Variants in NAALADL2 observed in about 807,000 individuals in gnomAD.
NAALADL2 encodes the protein inactive N-acetylated-alpha-linked acidic dipeptidase-like protein 2.
Under a neutral mutation model 87.2 loss-of-function variants are expected in NAALADL2, and 76 were observed. The ratio of observed to expected loss-of-function variants is 0.87; its 90% CI spans 0.72 to 1.05. The LOEUF (loss-of-function observed/expected upper bound fraction) is 1.05. NAALADL2 is among the 50% of genes least tolerant of loss of function. The probability of loss-of-function intolerance (pLI) is 0.00; values close to 1 mark genes in which losing one functional copy is unlikely to be tolerated. For missense variants in NAALADL2, 1,089 were observed against 945.8 expected (o/e 1.15, Z -1.99); for synonymous variants, 354 against 331.0 (o/e 1.07, Z -0.75).
intron 3 of NAALADL2, 34 bp downstream of exon 3, chr3:175,234,238 G>T: frequency 1.3e-6 from 2 of 1,589,792 alleles, no homozygotes; most frequent in South Asian, 2.3e-5. Context: ...CATTTACAGT[G>T]AGATGGAATT....
At chr3:174,892,309 T>G (rs1730951817) in intron 1 of NAALADL2, among the ~76,000 whole-genome samples, 1 of 152,110 alleles carries the variant, frequency 6.6e-6, no homozygotes, top group Non-Finnish European at 1.5e-5. Context: ...TTGAGGAAAG[T>G]TGAAGACATT....
chr3:174,515,440 GC>G (rs1013150875), intron 1 of NAALADL2, among the ~76,000 whole-genome samples: 1 of 151,996 alleles, frequency 6.6e-6, no homozygotes, highest in African/African-American at 2.4e-5. Flanking sequence ...ATGGAGTTGG[GC>G]AAATGGTAAC....
At chr3:175,561,061 C>A (rs184665528) in intron 9 of NAALADL2, among the ~76,000 whole-genome samples, 48 of 152,212 alleles carry the variant, frequency 3.2e-4, no homozygotes, top group African/African-American at 1.1e-3. Flanking sequence ...GGAAAACTGT[C>A]TAAGGCCTGC....
intron 13 of NAALADL2, among the ~76,000 whole-genome samples, chr3:175,794,946 G>T (rs73881379): frequency 2.0e-5 from 3 of 152,104 alleles, no homozygotes; most frequent in Admixed American, 2.0e-4. Context: ...GTTCTGGAGC[G>T]GGTACTCTGG....
intron 3 of NAALADL2, among the ~76,000 whole-genome samples, chr3:174,819,058 CTTTTTTTTTTTTTT>C (rs3040106): frequency 4.2e-5 from 2 of 47,536 alleles, no homozygotes; most frequent in South Asian, 8.1e-4. Context: ...ACCATTTATT[CTTTTTTTTTTTTTT>C]TTTTTTTTTT....
chr3:175,213,008 G>A (rs1442639335), intron 2 of NAALADL2, among the ~76,000 whole-genome samples: 3 of 152,068 alleles, frequency 2.0e-5, no homozygotes, highest in Non-Finnish European at 4.4e-5. Flanking sequence ...CACAGGACTG[G>A]CTGAAATCAG....
chr3:174,779,987 G>A (rs957182242), intron 3 of NAALADL2, among the ~76,000 whole-genome samples: 1 of 152,066 alleles, frequency 6.6e-6, no homozygotes, highest in African/African-American at 2.4e-5. Flanking sequence ...ATTTAAAGTA[G>A]TTTTTTCTAA....
At chr3:175,358,083 G>A (rs960478643) in intron 5 of NAALADL2, among the ~76,000 whole-genome samples, 5 of 152,172 alleles carry the variant, frequency 3.3e-5, no homozygotes, top group African/African-American at 7.2e-5. Context: ...CCATAAAATC[G>A]CAAGTGACAT....
chr3:174,901,864 T>C (rs1732350624), intron 1 of NAALADL2, among the ~76,000 whole-genome samples: 1 of 152,210 alleles, frequency 6.6e-6, no homozygotes, highest in African/African-American at 2.4e-5. Context: ...ATGGGCTTTA[T>C]GTTGTGATTT....
At chr3:174,855,980 GTATATATA>G (rs57039020), upstream of NAALADL2, among the ~76,000 whole-genome samples, 258 of 142,892 alleles carry the variant, frequency 1.8e-3, 3 homozygotes, top group African/African-American at 5.7e-3. Context: ...GTGTGTGTGT[GTATATATA>G]TATATATATA....
At chr3:175,520,255 G>T (rs1234937267) in intron 9 of NAALADL2, among the ~76,000 whole-genome samples, 2 of 151,040 alleles carry the variant, frequency 1.3e-5, no homozygotes, top group African/African-American at 4.9e-5. Context: ...CACCTGTGGA[G>T]CATTTGCATA....
chr3:174,756,021 C>T (rs181680244), intron 3 of NAALADL2, among the ~76,000 whole-genome samples: 11 of 152,268 alleles, frequency 7.2e-5, no homozygotes, highest in African/African-American at 1.9e-4. Flanking sequence ...AATTCATGAA[C>T]GGTCTGGGAG....
Position 174,602,269 on chromosome 3 carries a change from C to T in NAALADL2, c.-115+51632C>T, listed in dbSNP as rs143898537. 3.5e-3 allele frequency among the ~76,000 whole-genome samples: 532 copies of T among 152,110 alleles called. 3 individuals are homozygous for T. The highest frequency in any genetic ancestry group is 0.011 in the African/African-American group (471 of 41,520). On this transcript the variant is annotated intron_variant, in intron 2 of 3. Transcript: ENST00000434257. ...CAATCCATGAACATGGAATATCTTC[C>T]GGTGTTTTTGTGTCCTCTTCAATTT...
At chr3:174,496,245 C>T (rs1390460473) in intron 1 of NAALADL2, among the ~76,000 whole-genome samples, 1 of 152,078 alleles carries the variant, frequency 6.6e-6, no homozygotes, top group African/African-American at 2.4e-5. Flanking sequence ...ACTATGAATA[C>T]CCTAGACATG....
chr3:175,333,893 G>T (rs1359051335), intron 5 of NAALADL2, among the ~76,000 whole-genome samples: 2 of 152,126 alleles, frequency 1.3e-5, no homozygotes, highest in East Asian at 3.9e-4. Flanking sequence ...TAAATACCCT[G>T]ACTGGATCAT....
In NAALADL2 at chr3:175,417,391, G is replaced by A. The variant is rs1714839132; in HGVS notation, c.1091-29838G>A. Among the ~76,000 whole-genome samples the A allele has an allele frequency of 3.3e-5, 5 of 151,938 alleles. No homozygotes were observed. In the South Asian group the frequency reaches 1.0e-3, roughly 31 times the overall value. On this transcript the variant is annotated intron_variant, in intron 5 of 13. Coordinates refer to ENST00000454872, the MANE Select transcript of NAALADL2 (RefSeq NM_207015.3). ...AATTAATATTATAGTCAGTAGTAAAGTGTTTTGCATTTAATACTCATCATC... is the reference window on the plus strand; with the variant it reads ...AATTAATATTATAGTCAGTAGTAAAATGTTTTGCATTTAATACTCATCATC...
intron 1 of NAALADL2, among the ~76,000 whole-genome samples, chr3:174,531,943 C>A (rs1721273690): frequency 6.6e-6 from 1 of 152,106 alleles, no homozygotes; most frequent in East Asian, 1.9e-4. Flanking sequence ...ATATTAAAGT[C>A]CTCATAAAAA....
rs146365777 is a variant in NAALADL2, at chr3:175,279,507, C to T, written c.939+22977C>T. Reference sequence around the variant, plus strand: ...TGAGGTTTTTTTTTTAAAAAAATCTCCATTTGGTCTAAAACACATAGTAAA... The same window carrying T: ...TGAGGTTTTTTTTTTAAAAAAATCTTCATTTGGTCTAAAACACATAGTAAA... On this transcript the variant is annotated intron_variant, in intron 4 of 13. Transcript: ENST00000454872. 1.4e-4 allele frequency among the ~76,000 whole-genome samples: 21 copies of T among 151,810 alleles called. 1 individual carries two copies. In the East Asian group the frequency reaches 3.5e-3, roughly 25 times the overall value.
intron 4 of NAALADL2, among the ~76,000 whole-genome samples, chr3:175,311,427 C>T (rs748639777): frequency 2.0e-5 from 3 of 151,924 alleles, no homozygotes; most frequent in Non-Finnish European, 4.4e-5. Context: ...ATTTCCAGTC[C>T]GAAATATATT....
Sources: gnomAD v4.1 joint callset for allele counts (sites outside exome capture counted in the v4.1 genomes callset) on GRCh38, gnomAD v4.1.1 for gene constraint, MANE v1.5 for transcripts, NCBI Gene and HGNC (gene_info 2026-07-23, HGNC 2026-07-21) for gene names.